Variants in GLI2 observed in about 807,000 individuals in gnomAD.
GLI2 encodes the protein GLI family zinc finger 2, also known as transcription activator GLI2.
Under a neutral mutation model 78.9 loss-of-function variants are expected in GLI2, and 22 were observed. The ratio of observed to expected loss-of-function variants is 0.28; its 90% CI spans 0.20 to 0.40. GLI2 has a LOEUF of 0.40. Among genes scored for constraint, GLI2 ranks in the 10% least tolerant of loss-of-function variants. The probability of loss-of-function intolerance (pLI) is 1.00; values close to 1 mark genes in which losing one functional copy is unlikely to be tolerated. For synonymous variants in GLI2, 974 were observed against 963.7 expected (o/e 1.01, Z -0.20); for missense variants, 2,097 against 2,213.2 (o/e 0.95, Z 1.05).
At chr2:120,852,100 C>T (rs1687432485) in intron 2 of GLI2, among the ~76,000 whole-genome samples, 2 of 152,116 alleles carry the variant, frequency 1.3e-5, no homozygotes, top group Non-Finnish European at 2.9e-5. Flanking sequence ...GGCGAGAAGT[C>T]CCAGGCCCAG....
intron 2 of GLI2, among the ~76,000 whole-genome samples, chr2:120,882,458 G>T (rs1370598255): frequency 6.6e-6 from 1 of 152,252 alleles, no homozygotes; most frequent in Admixed American, 6.5e-5. Flanking sequence ...GTAGGTGTGT[G>T]TCCCTGGAGT....
chr2:120,750,915 G>A (rs987220158), intron 1 of GLI2, among the ~76,000 whole-genome samples: 32 of 152,258 alleles, frequency 2.1e-4, no homozygotes, highest in Non-Finnish European at 3.5e-4. Context: ...CTGGGCCCCA[G>A]GGGGATGCCC....
At position 120,986,504 on chromosome 2, in the gene GLI2, G is replaced by A. The variant is rs368549881; in HGVS notation, c.2132G>A (p.Arg711Gln). The change falls in exon 13 of 14, where the codon CGG (arginine) becomes CAG (glutamine). Residue 711 changes from arginine to glutamine, a missense_variant. Physicochemically the swap from Arg to Gln is conservative, Grantham distance 43. Transcript: ENST00000361492. ...CGCAAACACATGACCACCATGCACC[G>A]GTTCGAGCAGCTCAAGAAGGAGAAG... ...QLRKHMTTMHRFEQLKKEKLK... is the reference protein window; with the variant it reads ...QLRKHMTTMHQFEQLKKEKLK... 19 of 1,614,014 alleles carry A rather than the reference G, an allele frequency of 1.2e-5. No homozygotes were observed. The highest frequency in any genetic ancestry group is 1.1e-4 in the African/African-American group (8 of 74,944).
intron 1 of GLI2, among the ~76,000 whole-genome samples, chr2:120,791,433 G>A (rs1214403562): frequency 3.9e-5 from 6 of 152,246 alleles, no homozygotes; most frequent in African/African-American, 1.4e-4. Context: ...ATACAAGACA[G>A]AGTCCTCAGG....
chr2:120,778,306 T>A (rs1683741939), intron 1 of GLI2, among the ~76,000 whole-genome samples: 1 of 152,154 alleles, frequency 6.6e-6, no homozygotes, highest in South Asian at 2.1e-4. Context: ...CTCCTCTTCC[T>A]TTGTATCTCA....
intron 8 of GLI2, among the ~76,000 whole-genome samples, chr2:120,972,967 C>T (rs1198828651): frequency 6.6e-6 from 1 of 152,108 alleles, no homozygotes; most frequent in African/African-American, 2.4e-5. Context: ...AGCCCCTGGT[C>T]CCCCAAGCCC....
intron 2 of GLI2, chr2:120,867,335 C>T (rs1281405510): frequency 1.3e-5 from 2 of 152,264 alleles, no homozygotes; most frequent in East Asian, 3.9e-4. Flanking sequence ...GCATGCTGCC[C>T]GCCAGCAGTG....
intron 1 of GLI2, among the ~76,000 whole-genome samples, chr2:120,745,276 C>T (rs761120623): frequency 3.3e-5 from 5 of 152,176 alleles, no homozygotes; most frequent in African/African-American, 4.8e-5. Context: ...GGAACTGCAG[C>T]GCCATCAGGA....
chr2:120,885,676 C>T (rs1198039795), intron 2 of GLI2, among the ~76,000 whole-genome samples: 1 of 152,188 alleles, frequency 6.6e-6, no homozygotes, highest in Non-Finnish European at 1.5e-5. Flanking sequence ...AGCAGGTGGG[C>T]AGAGGGACTC....
chr2:120,987,868 C>T (rs1385656333), intron 13 of GLI2, among the ~76,000 whole-genome samples: 1 of 152,208 alleles, frequency 6.6e-6, no homozygotes, highest in African/African-American at 2.4e-5. Context: ...GGCTTCCCCT[C>T]GCCCACCCTT....
intron 2 of GLI2, among the ~76,000 whole-genome samples, chr2:120,885,979 G>A (rs1677374044): frequency 6.6e-6 from 1 of 152,184 alleles, no homozygotes; most frequent in African/African-American, 2.4e-5. Context: ...CTGAGCACCT[G>A]TTATATACCA....
At chr2:120,918,660 C>A (rs1444306369) in intron 2 of GLI2, among the ~76,000 whole-genome samples, 1 of 152,074 alleles carries the variant, frequency 6.6e-6, no homozygotes, top group Admixed American at 6.5e-5. Flanking sequence ...AGGATGGTGT[C>A]AAACTCCTGA....
At chr2:120,949,381 T>C (rs1406511525) in intron 3 of GLI2, among the ~76,000 whole-genome samples, 1 of 152,240 alleles carries the variant, frequency 6.6e-6, no homozygotes, top group Non-Finnish European at 1.5e-5. Flanking sequence ...TCACTGATTC[T>C]GAAGGTACCT....
intron 5 of GLI2, among the ~76,000 whole-genome samples, chr2:120,964,804 G>A (rs1681759503): frequency 6.6e-6 from 1 of 152,226 alleles, no homozygotes; most frequent in Non-Finnish European, 1.5e-5. Flanking sequence ...TTTGTGGGAC[G>A]GGACGTCCGC....
At chr2:120,739,914 T>C (rs1263579606) in intron 1 of GLI2, among the ~76,000 whole-genome samples, 2 of 150,198 alleles carry the variant, frequency 1.3e-5, no homozygotes, top group Non-Finnish European at 2.9e-5. Flanking sequence ...AAAACTGCTC[T>C]CTAATTGTTT....
chr2:120,982,656 A>C (rs1054065083), intron 10 of GLI2, 60 bp from the exon 11 acceptor site: 25 of 1,469,138 alleles, frequency 1.7e-5, no homozygotes, highest in Non-Finnish European at 2.1e-5. Context: ...AGGAAGCAGC[A>C]GCCGGCCTCA....
At chr2:120,867,038 CAT>C (rs1573505182) in intron 2 of GLI2, 3 of 152,314 alleles carry the variant, frequency 2.0e-5, no homozygotes, top group African/African-American at 7.2e-5. Context: ...GGGGGCCAGT[CAT>C]GTCTTTCACA....
chr2:120,927,523 C>A, intron 3 of GLI2, 57 bp downstream of exon 3: 1 of 1,181,996 alleles, frequency 8.5e-7, no homozygotes, highest in Non-Finnish European at 1.3e-6. Context: ...CATGGGGAGG[C>A]TGGGCCGGCA....
In GLI2 at chr2:120,972,080, C is replaced by T. The variant is rs767107414; in HGVS notation, c.1182+17C>T. 1.4e-5 allele frequency: 22 copies of T among 1,612,390 alleles called. No homozygotes were observed. The East Asian group carries it at 2.7e-4, about 20-fold the overall frequency. ...CTGACGCAGGTAACCTGCTGCCAGC[C>T]GCACCACCTTCCTCCAGCTAGGACC... On this transcript the variant is annotated intron_variant, in intron 8 of 13. Coordinates refer to ENST00000361492, the MANE Select transcript of GLI2 (RefSeq NM_001374353.1).
Sources: gnomAD v4.1 joint callset for allele counts (sites outside exome capture counted in the v4.1 genomes callset) on GRCh38, gnomAD v4.1.1 for gene constraint, MANE v1.5 for transcripts, NCBI Gene and HGNC (gene_info 2026-07-23, HGNC 2026-07-21) for gene names.